The following GRIN3A variants were observed in gnomAD, a reference collection of about 807,000 sequenced individuals.
The protein encoded by GRIN3A is glutamate ionotropic receptor NMDA type subunit 3A, also known as glutamate receptor ionotropic, NMDA 3A.
GRIN3A carries 47 observed loss-of-function variants against 92.4 expected under a neutral mutation model. That is an observed-to-expected ratio of 0.51 (90% CI 0.40 to 0.65). The LOEUF is 0.65. Among genes scored for constraint, GRIN3A ranks in the 30% least tolerant of loss-of-function variants. The probability of loss-of-function intolerance (pLI) is 0.00; values close to 1 mark genes in which losing one functional copy is unlikely to be tolerated. For synonymous variants in GRIN3A, 527 were observed against 540.6 expected (o/e 0.97, Z 0.35); for missense variants, 1,324 against 1,393.1 (o/e 0.95, Z 0.79).
In GRIN3A at chr9:101,598,285, C is replaced by T. The variant is rs149748369; in HGVS notation, c.2766+15091G>A. 3.4e-3 allele frequency among the ~76,000 whole-genome samples: 518 copies of T among 152,220 alleles called. 6 individuals carry two copies. Among genetic ancestry groups the T allele is most frequent in the African/African-American group, 0.012 (494 of 41,530 alleles). ...TGTCAATTAGAGCTCATAACATTCC[C>T]AGTGCTCAGTAACTACATGTGGCCA... On this transcript the variant is annotated intron_variant, in intron 6 of 8. Coordinates refer to ENST00000361820, the MANE Select transcript of GRIN3A (RefSeq NM_133445.3).
At chr9:101,593,563 C>T (rs1452789273) in intron 6 of GRIN3A, 1 of 152,226 alleles carries the variant, frequency 6.6e-6, no homozygotes, top group Non-Finnish European at 1.5e-5. Context: ...ATTGTCTCCA[C>T]CTGGGGGTAG....
Position 101,738,394 on chromosome 9 carries a change from G to C in GRIN3A, c.-415C>G, listed in dbSNP as rs75487722. On this transcript the variant is annotated 5_prime_UTR_variant, in exon 1 of 9. Transcript: ENST00000361820. ...AGTGACAGAGGAGCGACGCGCTCTC[G>C]CCTGGATTCTTTTCCTTTTCTGCCC... 0.11 allele frequency: 27,562 copies of C among 244,390 alleles called. 3,002 individuals are homozygous for C. Among genetic ancestry groups the C allele is most frequent in the African/African-American group, 0.31 (13,327 of 42,382 alleles). 15.1% of individuals were successfully genotyped at this position (244,390 alleles called of 1,614,324 possible). A position where few individuals can be genotyped will look rare whatever the true frequency, so the allele number is the denominator to read the frequency against.
chr9:101,603,840 AGT>A (rs1220683587), intron 6 of GRIN3A, among the ~76,000 whole-genome samples: 1 of 152,230 alleles, frequency 6.6e-6, no homozygotes, highest in African/African-American at 2.4e-5. Context: ...TTCACGCCTC[AGT>A]GTTTTACTCT....
chr9:101,705,623 C>T (rs1166572257), intron 1 of GRIN3A, among the ~76,000 whole-genome samples: 4 of 152,262 alleles, frequency 2.6e-5, no homozygotes, highest in South Asian at 4.2e-4. Context: ...TGCTCCCCCT[C>T]GTCTCAGGGG....
intron 3 of GRIN3A, among the ~76,000 whole-genome samples, chr9:101,662,880 AT>A (rs1238897200): frequency 6.6e-6 from 1 of 151,806 alleles, no homozygotes; most frequent in Non-Finnish European, 1.5e-5. Context: ...TGAATAGGAT[AT>A]TTCTCCTATT....
chr9:101,594,784 C>G, intron 6 of GRIN3A: 1 of 1,613,788 alleles, frequency 6.2e-7, no homozygotes, highest in Non-Finnish European at 8.5e-7. Context: ...GCAGCTCCGG[C>G]AGGGACATGA....
chr9:101,610,619 A>ATCTATCTATCTATCTATG lies in GRIN3A; in HGVS notation c.2766+2756_2766+2757insCATAGATAGATAGATAGA, dbSNP rs35988009. ...TATCTATCTATCTATCTATCTATCT[A>ATCTATCTATCTATCTATG]TCTATCATCTATCTATCTACATTTT... is the stretch of plus-strand genomic sequence containing the variant. On this transcript the variant is annotated intron_variant, in intron 6 of 8. Transcript: ENST00000361820. Among the ~76,000 whole-genome samples, 875 of 150,616 alleles carry ATCTATCTATCTATCTATG rather than the reference A, an allele frequency of 5.8e-3. 5 individuals are homozygous for ATCTATCTATCTATCTATG. Among genetic ancestry groups the ATCTATCTATCTATCTATG allele is most frequent in the Non-Finnish European group, 8.8e-3 (596 of 67,606 alleles).
chr9:101,583,178 G>C (rs1827910622), intron 6 of GRIN3A, among the ~76,000 whole-genome samples: 1 of 152,158 alleles, frequency 6.6e-6, no homozygotes, highest in African/African-American at 2.4e-5. Context: ...CGGGATCCAG[G>C]CTGCGGATCC....
chr9:101,614,130 A>G (rs7851338), intron 5 of GRIN3A, among the ~76,000 whole-genome samples: 23,280 of 152,200 alleles, frequency 0.15, 3,449 homozygotes, highest in African/African-American at 0.39. Flanking sequence ...ATGAGGATCA[A>G]TAAGATTATT....
At chr9:101,637,155 C>T (rs28643465) in intron 3 of GRIN3A, among the ~76,000 whole-genome samples, 2,090 of 152,042 alleles carry the variant, frequency 0.014, 49 homozygotes, top group African/African-American at 0.046. Flanking sequence ...TGCAGTGGCG[C>T]CATCTCGGCT....
intron 3 of GRIN3A, among the ~76,000 whole-genome samples, chr9:101,664,641 C>T (rs1280545444): frequency 1.3e-5 from 2 of 151,912 alleles, no homozygotes; most frequent in African/African-American, 4.8e-5. Context: ...TTTCAACCTC[C>T]TGTGGCTGCT....
chr9:101,665,763 G>A (rs1402871841), intron 3 of GRIN3A, among the ~76,000 whole-genome samples: 1 of 151,764 alleles, frequency 6.6e-6, no homozygotes, highest in East Asian at 1.9e-4. Flanking sequence ...CTATCAAAGT[G>A]AATTTGAAAA....
At chr9:101,598,678 T>C (rs1010512218) in intron 6 of GRIN3A, among the ~76,000 whole-genome samples, 6 of 152,200 alleles carry the variant, frequency 3.9e-5, no homozygotes, top group African/African-American at 1.2e-4. Context: ...ACCCTACTAG[T>C]AGAGATGAAG....
intron 3 of GRIN3A, among the ~76,000 whole-genome samples, chr9:101,643,693 A>ACC (rs1828897142): frequency 4.1e-5 from 6 of 145,746 alleles, no homozygotes; most frequent in African/African-American, 1.5e-4. Context: ...TCACACACAC[A>ACC]CACCCACACG....
At position 101,662,299 on chromosome 9, in the gene GRIN3A, T is replaced by C. The variant is rs149676039; in HGVS notation, c.2352+7761A>G. On this transcript the variant is annotated intron_variant, in intron 3 of 8. Transcript: ENST00000361820. ...CTTGACAATGGGTGGGGGGAATGATTGTTCAAGATAAATATAATTATTGGT... is the reference window on the plus strand; with the variant it reads ...CTTGACAATGGGTGGGGGGAATGATCGTTCAAGATAAATATAATTATTGGT... Among the ~76,000 whole-genome samples, 130 of 151,948 alleles carry C rather than the reference T, an allele frequency of 8.6e-4. 1 individual carries two copies. The highest frequency in any genetic ancestry group is 3.1e-3 in the African/African-American group (127 of 41,538).
chr9:101,673,143 C>T (rs1310399824), intron 2 of GRIN3A, among the ~76,000 whole-genome samples: 2 of 152,084 alleles, frequency 1.3e-5, no homozygotes, highest in East Asian at 3.9e-4. Flanking sequence ...ATGTTTGAGG[C>T]TTAATGATTA....
At chr9:101,619,361 G>A (rs934875418) in intron 5 of GRIN3A, among the ~76,000 whole-genome samples, 1 of 152,168 alleles carries the variant, frequency 6.6e-6, no homozygotes, top group South Asian at 2.1e-4. Flanking sequence ...AGTGGGGAGA[G>A]AAATGTGTGG....
chr9:101,697,042 TC>T (rs1373645998), intron 1 of GRIN3A, among the ~76,000 whole-genome samples: 1 of 152,214 alleles, frequency 6.6e-6, no homozygotes, highest in East Asian at 1.9e-4. Flanking sequence ...AATTATTAAA[TC>T]AGCTTTACTG....
intron 3 of GRIN3A, among the ~76,000 whole-genome samples, chr9:101,644,019 A>C (rs1190591998): frequency 2.6e-5 from 4 of 151,828 alleles, no homozygotes; most frequent in Non-Finnish European, 1.5e-5. Context: ...GACAGTAGTT[A>C]TTAAATGTTC....
Sources: allele counts gnomAD v4.1 joint callset (sites outside exome capture counted in the v4.1 genomes callset), GRCh38; gene constraint gnomAD v4.1.1; transcripts MANE v1.5; gene names NCBI Gene and HGNC (gene_info 2026-07-23, HGNC 2026-07-21).